PITX3: variants seen among roughly 807,000 people sequenced by gnomAD.
PITX3 encodes the protein paired like homeodomain 3.
Under a neutral mutation model 14.2 loss-of-function variants are expected in PITX3, and 4 were observed. The ratio of observed to expected loss-of-function variants is 0.28; its 90% confidence interval spans 0.14 to 0.65. The LOEUF is 0.65. Among genes scored for constraint, PITX3 ranks in the 30% least tolerant of loss-of-function variants. PITX3 has a pLI of 0.82. For synonymous variants in PITX3, 194 were observed against 204.5 expected (o/e 0.95, Z 0.44); for missense variants, 358 against 426.8 (o/e 0.84, Z 1.42).
At chr10:102,235,634 C>G (rs77381320) in intron 1 of PITX3, among the ~76,000 whole-genome samples, 1,819 of 152,012 alleles carry the variant, frequency 0.012, 30 homozygotes, top group African/African-American at 0.042. Context: ...TTTTTTTCCT[C>G]ACTCATTAAA....
At chr10:102,234,413 A>G (rs1046805853) in intron 1 of PITX3, among the ~76,000 whole-genome samples, 5 of 152,182 alleles carry the variant, frequency 3.3e-5, no homozygotes, top group Admixed American at 2.0e-4. Context: ...GAGGGAACCC[A>G]GGACAGGAGA....
Position 102,231,649 on chromosome 10 carries a change from G to C in PITX3, c.260C>G (p.Pro87Arg). Residue 87 changes from proline (P) to arginine (R), a missense_variant, in exon 3 of 4, where the codon CCC becomes CGC. This residue lies in a region of PITX3 where 50 missense variants were observed against 96.7 expected (regional missense o/e 0.52). Transcript: ENST00000370002. ...GATCTCCTCGCGCGTGCTCATGTCGGGGTAGCGGTTCCTCTGGAAGGTCGC... is the reference window on the plus strand; with the variant it reads ...GATCTCCTCGCGCGTGCTCATGTCGCGGTAGCGGTTCCTCTGGAAGGTCGC... ...LEATFQRNRYPDMSTREEIAV... is the reference protein window; with the variant it reads ...LEATFQRNRYRDMSTREEIAV... The C allele has an allele frequency of 6.2e-7, 1 of 1,612,748 alleles. No individual in the cohort carries two copies. Among genetic ancestry groups the C allele is most frequent in the Non-Finnish European group, 8.5e-7 (1 of 1,179,440 alleles).
Position 102,231,011 on chromosome 10 carries a change from C to G in PITX3, c.412G>C (p.Gly138Arg). ...LCKGSFAAPL[G>R]GLVPPYEEVY... Reference sequence around the variant, plus strand: ...TCCTCGTAGGGCGGCACCAGCCCCCCGAGCGGCGCCGCGAAGCTGCCTTTG... The same window carrying G: ...TCCTCGTAGGGCGGCACCAGCCCCCGGAGCGGCGCCGCGAAGCTGCCTTTG... Residue 138 changes from glycine to arginine, a missense_variant, in exon 4 of 4, where the codon GGG becomes CGG. Coordinates refer to ENST00000370002, the MANE Select transcript of PITX3 (RefSeq NM_005029.4). The G allele has an allele frequency of 6.3e-7, 1 of 1,596,976 alleles. No individual in the cohort carries two copies. Among genetic ancestry groups the G allele is most frequent in the Non-Finnish European group, 8.5e-7 (1 of 1,173,926 alleles).
Position 102,230,600 on chromosome 10 carries a change from C to T in PITX3, c.823G>A (p.Ala275Thr). The change falls in exon 4 of 4, where the codon GCC becomes ACC. Residue 275 changes from alanine to threonine, a missense_variant. Ala to Thr is a moderately conservative substitution (Grantham distance 58). This residue lies in a region of PITX3 where 236 missense variants were observed against 250.2 expected (regional missense o/e 0.94). Coordinates refer to ENST00000370002, the MANE Select transcript of PITX3 (RefSeq NM_005029.4). The stretch of plus-strand genomic sequence containing the variant: ...TGCACAGCGGGGTAGCTGAAGGAGG[C>T]GTGCTGTTTGGCTTTGAGCCGCAGG... ...ASLRLKAKQH[A>T]SFSYPAVHGP... is the part of the protein sequence containing the mutation. The T allele has an allele frequency of 6.2e-7, 1 of 1,611,142 alleles. No individual in the cohort carries two copies. The highest frequency in any genetic ancestry group is 8.5e-7 in the Non-Finnish European group (1 of 1,178,948).
Position 102,232,069 on chromosome 10 carries a change from G to A in PITX3, c.12C>T (p.Gly4=). MEF[G]LLSEAEARSP... ...TCCGGGCCTCTGCCTCGCTGAGCAG[G>A]CCGAACTCCATGGAGGGAGGGCTCT... Residue 4 remains glycine (G), a synonymous_variant, in exon 2 of 4, where the codon GGC becomes GGT. Coordinates refer to ENST00000370002, the MANE Select transcript of PITX3 (RefSeq NM_005029.4). 1 of 1,598,214 alleles carries A rather than the reference G, an allele frequency of 6.3e-7. No homozygotes were observed.
rs71471239 is a variant in PITX3 at position 102,241,387 on chromosome 10, G to C, written c.-67C>G. The C allele has an allele frequency of 6.5e-6, 1 of 153,100 alleles. No homozygotes were observed. The highest frequency in any genetic ancestry group is 2.4e-5 in the African/African-American group (1 of 41,426). 9.5% of individuals were successfully genotyped at this position (153,100 alleles called of 1,614,324 possible). ...TAGCGGCGGCTGCGGCGGCGATCTA[G>C]AGGGCAGGCAGGGGCCAGGGGCCGG... On this transcript the variant is annotated 5_prime_UTR_variant, in exon 1 of 4. Coordinates refer to ENST00000370002, the MANE Select transcript of PITX3 (RefSeq NM_005029.4). This position sits in a 1 kb window ranked among gnomAD's most constrained non-coding sequence, Gnocchi z 6.7.
chr10:102,230,383 C>G lies in PITX3; in HGVS notation c.*131G>C. 2 of 1,378,658 alleles carry G rather than the reference C, an allele frequency of 1.5e-6. No homozygotes were observed. The highest frequency in any genetic ancestry group is 2.0e-6 in the Non-Finnish European group (2 of 1,021,270). 85.4% of individuals were successfully genotyped at this position (1,378,658 alleles called of 1,614,324 possible). ...GGGAGGGGAAGGCCCTCTCCTGAGC[C>G]GGTGCCCCCCAGCTGCCCAAACACC... is the stretch of plus-strand genomic sequence containing the variant. On this transcript the variant is annotated 3_prime_UTR_variant, in exon 4 of 4. Transcript: ENST00000370002.
intron 1 of PITX3, among the ~76,000 whole-genome samples, chr10:102,235,270 C>G (rs1463082578): frequency 6.7e-6 from 1 of 150,232 alleles, no homozygotes; most frequent in Non-Finnish European, 1.5e-5. Context: ...GCCAAGGGGC[C>G]AGGGGAGTGT....
rs951894132 is a variant in PITX3, at chr10:102,230,290, G to A, written c.*224C>T. ...GGGTGAGTTGGCCCCCGGGGAGCTG[G>A]TCCCTGTTCCTGGCTTTAGTCCCAG... On this transcript the variant is annotated 3_prime_UTR_variant, in exon 4 of 4. Transcript: ENST00000370002. 2 of 549,380 alleles carry A rather than the reference G, an allele frequency of 3.6e-6. No homozygotes were observed. The highest frequency in any genetic ancestry group is 1.9e-5 in the African/African-American group (1 of 51,592). The allele number at this position is 549,380 out of a possible 1,614,324, so 34.0% of individuals were successfully genotyped here.
chr10:102,234,309 T>C (rs1314039464), intron 1 of PITX3, among the ~76,000 whole-genome samples: 1 of 151,606 alleles, frequency 6.6e-6, no homozygotes, highest in Non-Finnish European at 1.5e-5. Context: ...GGAACCGAGG[T>C]CAAGGCAGGA....
In PITX3 at chr10:102,231,791, C is replaced by A; in HGVS notation, c.119-1G>T. 6.3e-7 allele frequency: 1 copy of A among 1,599,230 alleles called. No homozygotes were observed. Among genetic ancestry groups the A allele is most frequent in the South Asian group, 1.1e-5 (1 of 90,192 alleles). ...AGCGAAGCCGAGGCCTTTTCTGAGT[C>A]TGGGGGCCAGGGTGGGGGCAGGTCA... On this transcript the variant is annotated splice_acceptor_variant, in intron 2 of 3. Transcript: ENST00000370002. LOFTEE classifies it high-confidence loss of function.
intron 1 of PITX3, among the ~76,000 whole-genome samples, chr10:102,239,883 T>A (rs1195386389): frequency 1.2e-4 from 19 of 152,160 alleles, no homozygotes; most frequent in Non-Finnish European, 2.6e-4. Flanking sequence ...ACCCGGCTGT[T>A]AGGTAGGGCC....
chr10:102,240,779 A>G lies in PITX3; in HGVS notation c.-13+554T>C, dbSNP rs1024411346. 3.3e-5 allele frequency among the ~76,000 whole-genome samples: 5 copies of G among 152,236 alleles called. No homozygotes were observed. In the South Asian group the frequency reaches 1.0e-3, roughly 31 times the overall value. ...GGTCACTCTGATCCGCACAGCGGCC[A>G]TCTGACTCAGTCGCGGCCGGGCTCT... On this transcript the variant is annotated intron_variant, in intron 1 of 3. Coordinates refer to ENST00000370002, the MANE Select transcript of PITX3 (RefSeq NM_005029.4).
intron 1 of PITX3, among the ~76,000 whole-genome samples, chr10:102,234,246 G>C (rs2133804479): frequency 6.6e-6 from 1 of 152,290 alleles, no homozygotes; most frequent in East Asian, 1.9e-4. Context: ...ACAGCTCAGA[G>C]ATCACAGCTG....
intron 1 of PITX3, among the ~76,000 whole-genome samples, chr10:102,240,827 C>T (rs951544445): frequency 6.6e-6 from 1 of 152,258 alleles, no homozygotes; most frequent in Non-Finnish European, 1.5e-5. Context: ...CCTATTCCAA[C>T]TGCGGAGCAG....
chr10:102,234,589 GGGTTAGAA>G (rs1316463562), intron 1 of PITX3, among the ~76,000 whole-genome samples: 2 of 152,014 alleles, frequency 1.3e-5, no homozygotes, highest in Non-Finnish European at 2.9e-5. Context: ...GAGGGAGGAA[GGGTTAGAA>G]CTGAGAGTTG....
Position 102,238,201 on chromosome 10 carries a change from A to G in PITX3, c.-13+3132T>C, listed in dbSNP as rs527272484. The stretch of plus-strand genomic sequence containing the variant: ...TTTTCATGAGTCCCTGGCAGTGGCC[A>G]TGGACACCCTAGACACCCCAAAGCT... On this transcript the variant is annotated intron_variant, in intron 1 of 3. Transcript: ENST00000370002. Among the ~76,000 whole-genome samples, 15 of 152,254 alleles carry G rather than the reference A, an allele frequency of 9.9e-5. No individual in the cohort carries two copies. In the South Asian group the frequency reaches 2.9e-3, roughly 29 times the overall value.
chr10:102,231,545 G>T (rs1187817569), intron 3 of PITX3, 43 bp downstream of exon 3: 12 of 1,350,548 alleles, frequency 8.9e-6, no homozygotes, highest in Non-Finnish European at 1.2e-5. Context: ...GGCTGAGCGC[G>T]GAGGGCCCGC....
At chr10:102,239,416 A>C (rs570930181) in intron 1 of PITX3, among the ~76,000 whole-genome samples, 2 of 152,284 alleles carry the variant, frequency 1.3e-5, no homozygotes, top group East Asian at 3.9e-4. Flanking sequence ...TTTCACCTAT[A>C]ATTTCAGTGA....
Sources: allele counts gnomAD v4.1 joint callset (sites outside exome capture counted in the v4.1 genomes callset), GRCh38; gene constraint gnomAD v4.1.1; regional missense constraint gnomAD v4.1.1; non-coding constraint Gnocchi (gnomAD v3.1); transcripts MANE v1.5; gene names NCBI Gene and HGNC (gene_info 2026-07-23, HGNC 2026-07-21).